PPBP: variants seen among roughly 807,000 people sequenced by gnomAD.
PPBP encodes platelet basic protein.
A neutral mutation model predicts 8.3 loss-of-function variants in PPBP; 8 were observed. That is an observed-to-expected ratio of 0.97 (90% CI 0.57 to 1.75). The LOEUF (loss-of-function observed/expected upper bound fraction) is 1.75, where lower values mean the gene tolerates loss of function less well. Among genes scored for constraint, PPBP ranks in the 40% most tolerant of loss-of-function variants. The pLI is 0.00. For missense variants in PPBP, 169 were observed against 149.2 expected (o/e 1.13, Z -0.69); for synonymous variants, 64 against 58.9 (o/e 1.09, Z -0.40).
Position 73,987,519 on chromosome 4 carries a change from C to G in PPBP, c.282G>C (p.Val94=), listed in dbSNP as rs777542569. Residue 94 remains valine, a splice_region_variant and synonymous_variant, in exon 2 of 3, where the codon GTG becomes GTC. Transcript: ENST00000296028. ...ATAGCACAGAAACAGCAACTTACAT[C>G]ACTTCGACTTGGTTGCAATGGGTTC... ...GKGTHCNQVE[V]IATLKDGRKI... is the part of the protein sequence containing the mutation. 1.7e-5 allele frequency: 28 copies of G among 1,613,440 alleles called. No homozygotes were observed. The highest frequency in any genetic ancestry group is 2.3e-5 in the Non-Finnish European group (27 of 1,179,568).
chr4:73,987,911 G>T (rs770743796), intron 1 of PPBP, 45 bp downstream of exon 1: 1 of 1,612,868 alleles, frequency 6.2e-7, no homozygotes, highest in Admixed American at 1.7e-5. Context: ...CCCAGAGACA[G>T]GTGTAGCAGA....
rs371849071 is a variant in PPBP at position 73,988,026 on chromosome 4, C to T, written c.78G>A (p.Leu26=). Residue 26 remains leucine, a synonymous_variant, in exon 1 of 3, where the codon CTG becomes CTA. Transcript: ENST00000296028. ...AAGCCAGAGCAGTCAGCAGCAATGACAGAAGCAGCAGCACCTGCAAGGCAT... is the reference window on the plus strand; with the variant it reads ...AAGCCAGAGCAGTCAGCAGCAATGATAGAAGCAGCAGCACCTGCAAGGCAT... ...PLHALQVLLL[L]SLLLTALASS... 1.6e-5 allele frequency: 26 copies of T among 1,613,954 alleles called. No homozygotes were observed. Among genetic ancestry groups the T allele is most frequent in the African/African-American group, 1.6e-4 (12 of 74,924 alleles).
At position 73,987,204 on chromosome 4, in the gene PPBP, T is replaced by C. The variant is rs1718987631; in HGVS notation, c.*68A>G. On this transcript the variant is annotated 3_prime_UTR_variant, in exon 3 of 3. Coordinates refer to ENST00000296028, the MANE Select transcript of PPBP (RefSeq NM_002704.3). ...AGGTATCCTGAATAAATGAGAACTC[T>C]AGAAAATCAAGGTTTCAAAATTCTA... 7.3e-7 allele frequency: 1 copy of C among 1,370,020 alleles called. No individual in the cohort carries two copies. The highest frequency in any genetic ancestry group is 1.8e-5 in the Admixed American group (1 of 56,700). 84.9% of individuals were successfully genotyped at this position (1,370,020 alleles called of 1,614,324 possible). A position where few individuals can be genotyped will look rare whatever the true frequency, so the allele number is the denominator to read the frequency against.
chr4:73,987,418 T>C (rs759008769), intron 2 of PPBP, 44 bp from the exon 3 acceptor site: 2 of 1,606,512 alleles, frequency 1.2e-6, no homozygotes, highest in South Asian at 1.1e-5. Context: ...CTGATCTGAA[T>C]ATCAGAACTA....
rs2109814578 is a variant in PPBP, at chr4:73,987,349, T to C, written c.310A>G (p.Ile104Val). 1 of 1,613,968 alleles carries C rather than the reference T, an allele frequency of 6.2e-7. No individual in the cohort carries two copies. Among genetic ancestry groups the C allele is most frequent in the Middle Eastern group, 1.7e-4 (1 of 6,060 alleles). Residue 104 changes from isoleucine to valine, a missense_variant, in exon 3 of 3, where the codon ATC becomes GTC. Transcript: ENST00000296028. ...CTGGGAGCATCTGGGTCCAGGCAGATTTTCCTCCCATCCTTCAGTGTGGCT... is the reference window on the plus strand; with the variant it reads ...CTGGGAGCATCTGGGTCCAGGCAGACTTTCCTCCCATCCTTCAGTGTGGCT... The part of the protein sequence containing the change: ...VIATLKDGRK[I>V]CLDPDAPRIK...
Position 73,987,362 on chromosome 4 carries a change from C to T in PPBP, c.297G>A (p.Lys99=). ...CNQVEVIATL[K]DGRKICLDPD... The stretch of plus-strand genomic sequence containing the variant: ...GGTCCAGGCAGATTTTCCTCCCATC[C>T]TTCAGTGTGGCTCTGCAAAAGAGAA... Residue 99 remains lysine (K), a synonymous_variant, in exon 3 of 3, where the codon AAG becomes AAA. Transcript: ENST00000296028. 1 of 1,613,756 alleles carries T rather than the reference C, an allele frequency of 6.2e-7. No individual in the cohort carries two copies. Among genetic ancestry groups the T allele is most frequent in the Non-Finnish European group, 8.5e-7 (1 of 1,179,662 alleles).
At position 73,987,936 on chromosome 4, in the gene PPBP, C is replaced by T. The variant is rs1288696315; in HGVS notation, c.148+20G>A. 1.2e-6 allele frequency: 2 copies of T among 1,613,934 alleles called. No homozygotes were observed. The highest frequency in any genetic ancestry group is 4.5e-5 in the East Asian group (2 of 44,894). The stretch of plus-strand genomic sequence containing the variant: ...GGTGTAGCAGAAGCAGCAACAAGTG[C>T]AGAGAAGCAGGGCCTCTACCTTTGC... On this transcript the variant is annotated intron_variant, in intron 1 of 2. Transcript: ENST00000296028.
Position 73,987,497 on chromosome 4 carries a change from G to A in PPBP, c.284+20C>T, listed in dbSNP as rs1457019845. On this transcript the variant is annotated intron_variant, in intron 2 of 2. Coordinates refer to ENST00000296028, the MANE Select transcript of PPBP (RefSeq NM_002704.3). ...AGAGGGTTTCTCTGATAAGGCAATAGCACAGAAACAGCAACTTACATCACT... is the reference window on the plus strand; with the variant it reads ...AGAGGGTTTCTCTGATAAGGCAATAACACAGAAACAGCAACTTACATCACT... 4 of 1,612,132 alleles carry A rather than the reference G, an allele frequency of 2.5e-6. No individual in the cohort carries two copies. Among genetic ancestry groups the A allele is most frequent in the African/African-American group, 1.3e-5 (1 of 74,884 alleles).
rs988744445 is a variant in PPBP, at chr4:73,987,109, C to G, written c.*163G>C. On this transcript the variant is annotated 3_prime_UTR_variant, in exon 3 of 3. Transcript: ENST00000296028. ...CTTCTTTCTGCCATCTTTTAACCAA[C>G]CTTCTCAGAATAAAATGTGATTTTT... The G allele has an allele frequency of 1.5e-6, 1 of 670,390 alleles. No homozygotes were observed. Among genetic ancestry groups the G allele is most frequent in the Non-Finnish European group, 2.5e-6 (1 of 397,292 alleles). 41.5% of individuals were successfully genotyped at this position (670,390 alleles called of 1,614,324 possible).
chr4:73,987,705 C>T, intron 1 of PPBP, 53 bp from the exon 2 acceptor site: 1 of 1,586,992 alleles, frequency 6.3e-7, no homozygotes, highest in Middle Eastern at 1.7e-4. Context: ...CCTCAGGTCT[C>T]TTATTTGCAG....
rs1361381995 is a variant in PPBP, at chr4:73,987,280, C to A, written c.379G>T (p.Ala127Ser). 6 of 1,608,176 alleles carry A rather than the reference C, an allele frequency of 3.7e-6. No individual in the cohort carries two copies. The highest frequency in any genetic ancestry group is 5.1e-6 in the Non-Finnish European group (6 of 1,174,748). The change falls in exon 3 of 3, where the codon GCT becomes TCT. Residue 127 changes from alanine (A) to serine (S), a missense_variant. Transcript: ENST00000296028. ...VQKKLAGDESAD is the reference protein window; with the variant it reads ...VQKKLAGDESSD Reference sequence around the variant, plus strand: ...GGCAGAAACAGAACAAATTAATCAGCAGATTCATCACCTGCCAATTTTTTC... The same window carrying A: ...GGCAGAAACAGAACAAATTAATCAGAAGATTCATCACCTGCCAATTTTTTC...
Position 73,986,665 on chromosome 4 carries a change from T to C in PPBP, c.*607A>G, listed in dbSNP as rs1254277316. On this transcript the variant is annotated 3_prime_UTR_variant, in exon 3 of 3. Transcript: ENST00000296028. ...AATTCATTTTCATCATCTATTTTTGTTCTACTAGTGGCAAATATATTCACT... is the reference window on the plus strand; with the variant it reads ...AATTCATTTTCATCATCTATTTTTGCTCTACTAGTGGCAAATATATTCACT... Among the ~76,000 whole-genome samples the C allele has an allele frequency of 1.3e-5, 2 of 152,194 alleles. No homozygotes were observed. Among genetic ancestry groups the C allele is most frequent in the Non-Finnish European group, 2.9e-5 (2 of 68,026 alleles).
At chr4:73,987,926 GCAA>G in intron 1 of PPBP, 27 bp downstream of exon 1, 1 of 1,613,868 alleles carries the variant, frequency 6.2e-7, no homozygotes, top group East Asian at 2.2e-5. Flanking sequence ...AGCAGAAGCA[GCAA>G]CAAGTGCAGA....
Position 73,987,201 on chromosome 4 carries a change from C to A in PPBP, c.*71G>T. 1 of 1,334,368 alleles carries A rather than the reference C, an allele frequency of 7.5e-7. No homozygotes were observed. The highest frequency in any genetic ancestry group is 2.3e-5 in the East Asian group (1 of 43,526). The allele number at this position is 1,334,368 out of a possible 1,614,324, so 82.7% of individuals were successfully genotyped here. A position where few individuals can be genotyped will look rare whatever the true frequency, so the allele number is the denominator to read the frequency against. On this transcript the variant is annotated 3_prime_UTR_variant, in exon 3 of 3. Transcript: ENST00000296028. Reference sequence around the variant, plus strand: ...AATAGGTATCCTGAATAAATGAGAACTCTAGAAAATCAAGGTTTCAAAATT... The same window carrying A: ...AATAGGTATCCTGAATAAATGAGAAATCTAGAAAATCAAGGTTTCAAAATT...
In PPBP at chr4:73,987,605, T is replaced by C. The variant is rs779682048; in HGVS notation, c.196A>G (p.Ile66Val). ...GGATGAATTCCAGAGGTTGTCTTTATACACATGCAGCGGAGTTCAGCATAC... is the reference window on the plus strand; with the variant it reads ...GGATGAATTCCAGAGGTTGTCTTTACACACATGCAGCGGAGTTCAGCATAC... Reference protein sequence around the residue: ...DLYAELRCMCIKTTSGIHPKN... With the variant: ...DLYAELRCMCVKTTSGIHPKN... Residue 66 changes from isoleucine (I) to valine (V), a missense_variant, in exon 2 of 3, where the codon ATA (isoleucine) becomes GTA (valine). Ile to Val is a conservative substitution (Grantham distance 29). Coordinates refer to ENST00000296028, the MANE Select transcript of PPBP (RefSeq NM_002704.3). 6.2e-7 allele frequency: 1 copy of C among 1,614,094 alleles called. No homozygotes were observed. The highest frequency in any genetic ancestry group is 8.5e-7 in the Non-Finnish European group (1 of 1,179,932).
Position 73,988,177 on chromosome 4 carries a change from G to T in PPBP, c.-74C>A. The stretch of plus-strand genomic sequence containing the variant: ...AGTGAGGGTGAGTTGCTGCCTACAA[G>T]TCTGCAGATAAGTGGCTTCTCATGC... On this transcript the variant is annotated 5_prime_UTR_variant, in exon 1 of 3. Transcript: ENST00000296028. 6.5e-7 allele frequency: 1 copy of T among 1,541,354 alleles called. No homozygotes were observed. Among genetic ancestry groups the T allele is most frequent in the Non-Finnish European group, 9.0e-7 (1 of 1,115,178 alleles).
intron 2 of PPBP, 24 bp from the exon 3 acceptor site, chr4:73,987,398 T>A: frequency 2.5e-6 from 4 of 1,608,952 alleles, no homozygotes; most frequent in Non-Finnish European, 3.4e-6. Context: ...CAGGGTTATC[T>A]GTGGGTGTCC....
Position 73,988,166 on chromosome 4 carries a change from G to T in PPBP, c.-63C>A, listed in dbSNP as rs1719015125. The T allele has an allele frequency of 1.3e-6, 2 of 1,574,392 alleles. No individual in the cohort carries two copies. Among genetic ancestry groups the T allele is most frequent in the Middle Eastern group, 1.7e-4 (1 of 5,974 alleles). ...GAAGACCTCTGAGTGAGGGTGAGTT[G>T]CTGCCTACAAGTCTGCAGATAAGTG... On this transcript the variant is annotated 5_prime_UTR_variant, in exon 1 of 3. Transcript: ENST00000296028.
rs1435673140 is a variant in PPBP, at chr4:73,987,228, T to C, written c.*44A>G. The stretch of plus-strand genomic sequence containing the variant: ...CTAGAAAATCAAGGTTTCAAAATTC[T>C]ACCCTTCCTGGGAGTTAAAGAAGTT... On this transcript the variant is annotated 3_prime_UTR_variant, in exon 3 of 3. Transcript: ENST00000296028. 5 of 1,513,672 alleles carry C rather than the reference T, an allele frequency of 3.3e-6. No homozygotes were observed. Among genetic ancestry groups the C allele is most frequent in the Non-Finnish European group, 4.6e-6 (5 of 1,092,086 alleles). The allele number at this position is 1,513,672 out of a possible 1,614,324, so 93.8% of individuals were successfully genotyped here.
Sources: gnomAD v4.1 joint callset for allele counts (sites outside exome capture counted in the v4.1 genomes callset) on GRCh38, gnomAD v4.1.1 for gene constraint, MANE v1.5 for transcripts, NCBI Gene and HGNC (gene_info 2026-07-23, HGNC 2026-07-21) for gene names.